Variants in SDK1 observed in about 807,000 individuals in gnomAD.
SDK1 encodes sidekick cell adhesion molecule 1.
SDK1 carries 157 observed loss-of-function variants against 245.5 expected under a neutral mutation model. The ratio of observed to expected loss-of-function variants is 0.64; its 90% CI spans 0.56 to 0.73. SDK1 has a LOEUF of 0.73. Among genes scored for constraint, SDK1 ranks in the 30% least tolerant of loss-of-function variants. The probability of loss-of-function intolerance (pLI) is 0.00; values close to 1 mark genes in which losing one functional copy is unlikely to be tolerated. For synonymous variants in SDK1, 1,647 were observed against 1,278.5 expected (o/e 1.29, Z -6.15); for missense variants, 3,583 against 3,002.3 (o/e 1.19, Z -4.52).
intron 5 of SDK1, among the ~76,000 whole-genome samples, chr7:3,836,915 C>T (rs1780040240): frequency 6.6e-6 from 1 of 152,172 alleles, no homozygotes; most frequent in Admixed American, 6.5e-5. Context: ...CCCTTCCTGG[C>T]TCTTAGAGAG....
At chr7:4,020,640 G>A (rs1273223630) in intron 17 of SDK1, among the ~76,000 whole-genome samples, 1 of 152,176 alleles carries the variant, frequency 6.6e-6, no homozygotes, top group African/African-American at 2.4e-5. Context: ...GCATCAGGGG[G>A]ACAGTGGTGG....
intron 5 of SDK1, among the ~76,000 whole-genome samples, chr7:3,881,124 T>C (rs1269468844): frequency 6.6e-6 from 1 of 152,056 alleles, no homozygotes; most frequent in East Asian, 1.9e-4. Context: ...AGTTCCGGAG[T>C]GCTTGTGCAT....
rs1442327881 is a variant in SDK1 at position 3,852,582 on chromosome 7, C to G, written c.847+30999C>G. 4.0e-5 allele frequency among the ~76,000 whole-genome samples: 6 copies of G among 150,704 alleles called. No homozygotes were observed. The South Asian group carries it at 8.4e-4, about 21-fold the overall frequency. The stretch of plus-strand genomic sequence containing the variant: ...CTAACACGGTGAAACCCCGTCTCTA[C>G]TAAAAAATACAAAAAAAAATTAGCC... On this transcript the variant is annotated intron_variant, in intron 5 of 44. Coordinates refer to ENST00000404826, the MANE Select transcript of SDK1 (RefSeq NM_152744.4).
At position 4,268,676 on chromosome 7, in the gene SDK1, A is replaced by C. The variant is rs1463022473; in HGVS notation, c.*3292A>C. The C allele has an allele frequency of 7.3e-7, 1 of 1,367,790 alleles. No homozygotes were observed. The highest frequency in any genetic ancestry group is 1.5e-5 in the African/African-American group (1 of 67,766). The allele number at this position is 1,367,790 out of a possible 1,614,324, so 84.7% of individuals were successfully genotyped here. ...TATTTCTTACGCATTCTTGGCACAC[A>C]GTGTAGCTATCCTCCTGACGAGCAA... On this transcript the variant is annotated 3_prime_UTR_variant, in exon 45 of 45. Transcript: ENST00000404826.
chr7:4,005,393 A>AGT (rs71032920), intron 14 of SDK1, among the ~76,000 whole-genome samples: 43,099 of 129,364 alleles, frequency 0.33, 6,983 homozygotes, highest in East Asian at 0.41. Context: ...TTCTTATGTG[A>AGT]GTGTGTGTGT....
chr7:4,099,566 G>A (rs1393816735), intron 22 of SDK1, among the ~76,000 whole-genome samples: 1 of 95,174 alleles, frequency 1.1e-5, no homozygotes, highest in African/African-American at 3.9e-5. Context: ...CGCTCACAGA[G>A]GATGAGGTGG....
At chr7:4,236,045 G>A (rs978979588) in intron 41 of SDK1, among the ~76,000 whole-genome samples, 9 of 152,240 alleles carry the variant, frequency 5.9e-5, no homozygotes, top group African/African-American at 1.4e-4. Context: ...TTAAAGCACC[G>A]TCACCTCCTA....
At chr7:3,343,940 T>C (rs77475749) in intron 1 of SDK1, among the ~76,000 whole-genome samples, 1,681 of 151,702 alleles carry the variant, frequency 0.011, 8 homozygotes, top group Non-Finnish European at 0.018. Context: ...GGACATATTA[T>C]TGATAAAAGA....
chr7:4,058,547 C>G (rs1779337558), intron 19 of SDK1, among the ~76,000 whole-genome samples: 1 of 152,182 alleles, frequency 6.6e-6, no homozygotes, highest in Non-Finnish European at 1.5e-5. Flanking sequence ...CTCCATGGCA[C>G]ATTGTAGTCA....
At chr7:3,545,578 C>T (rs1036240793) in intron 1 of SDK1, among the ~76,000 whole-genome samples, 1 of 152,174 alleles carries the variant, frequency 6.6e-6, no homozygotes, top group Admixed American at 6.5e-5. Flanking sequence ...TTCATCCTAG[C>T]ACCTAGTTTA....
chr7:3,474,637 C>T (rs1431778739), intron 1 of SDK1, among the ~76,000 whole-genome samples: 1 of 152,168 alleles, frequency 6.6e-6, no homozygotes, highest in South Asian at 2.1e-4. Context: ...CCATGTCTTT[C>T]CACCTCTAAT....
At chr7:3,643,512 C>G (rs1344404699) in intron 4 of SDK1, 1 of 137,460 alleles carries the variant, frequency 7.3e-6, no homozygotes, top group African/African-American at 2.8e-5. Context: ...TGTGGAATTC[C>G]TTCCGTAAAC....
intron 5 of SDK1, among the ~76,000 whole-genome samples, chr7:3,874,652 A>G (rs1781031956): frequency 6.6e-6 from 1 of 151,622 alleles, no homozygotes; most frequent in Non-Finnish European, 1.5e-5. Context: ...CCCTCATGCT[A>G]CAGTTTTTGT....
chr7:3,501,117 A>G (rs1181552758), intron 1 of SDK1, among the ~76,000 whole-genome samples: 1 of 152,204 alleles, frequency 6.6e-6, no homozygotes, highest in Non-Finnish European at 1.5e-5. Context: ...AGACTAAAAC[A>G]TTGAAAGTCT....
chr7:3,982,567 G>A (rs1020137787), intron 13 of SDK1, among the ~76,000 whole-genome samples: 6 of 152,156 alleles, frequency 3.9e-5, no homozygotes, highest in East Asian at 3.9e-4. Flanking sequence ...TGGGCTGGGC[G>A]CGGTGGCTCA....
At chr7:4,100,400 C>G (rs1782455735) in intron 22 of SDK1, among the ~76,000 whole-genome samples, 1 of 152,132 alleles carries the variant, frequency 6.6e-6, no homozygotes, top group African/African-American at 2.4e-5. Flanking sequence ...GAGATGTGAA[C>G]AAACTGGCCA....
At chr7:4,219,389 C>T (rs1051626826) in intron 38 of SDK1, among the ~76,000 whole-genome samples, 2 of 152,172 alleles carry the variant, frequency 1.3e-5, no homozygotes. Context: ...TTAATGGACT[C>T]ACAGTTCCAC....
At chr7:3,719,999 A>G (rs1785318371) in intron 4 of SDK1, among the ~76,000 whole-genome samples, 1 of 152,078 alleles carries the variant, frequency 6.6e-6, no homozygotes, top group South Asian at 2.1e-4. Context: ...AAGAAAGAAA[A>G]GGAAAACTCA....
intron 5 of SDK1, among the ~76,000 whole-genome samples, chr7:3,881,512 A>T (rs191938588): frequency 6.6e-6 from 1 of 152,190 alleles, no homozygotes; most frequent in Non-Finnish European, 1.5e-5. Context: ...ATTGATGGAC[A>T]TTTGGGTTGA....
Sources: allele counts gnomAD v4.1 joint callset (sites outside exome capture counted in the v4.1 genomes callset), GRCh38; gene constraint gnomAD v4.1.1; transcripts MANE v1.5; gene names NCBI Gene and HGNC (gene_info 2026-07-23, HGNC 2026-07-21).